MGMT: variants seen among roughly 807,000 people sequenced by gnomAD.
The protein encoded by MGMT is O-6-methylguanine-DNA methyltransferase, also known as methylated-DNA--protein-cysteine methyltransferase.
Under a neutral mutation model 15.9 loss-of-function variants are expected in MGMT, and 14 were observed. That is an observed-to-expected ratio of 0.88 (90% CI 0.58 to 1.37). The LOEUF is 1.37. Among genes scored for constraint, MGMT ranks in the 40% most tolerant of loss-of-function variants. The pLI is 0.00. For synonymous variants in MGMT, 130 were observed against 118.2 expected (o/e 1.10, Z -0.65); for missense variants, 282 against 268.1 (o/e 1.05, Z -0.36).
At chr10:129,498,261 G>A (rs1015863862) in intron 1 of MGMT, among the ~76,000 whole-genome samples, 1 of 152,208 alleles carries the variant, frequency 6.6e-6, no homozygotes, top group African/African-American at 2.4e-5. Context: ...TGAATCTCTT[G>A]TGCATTTCCT....
intron 2 of MGMT, among the ~76,000 whole-genome samples, chr10:129,599,465 C>G (rs191033390): frequency 1.6e-4 from 24 of 152,358 alleles, no homozygotes; most frequent in African/African-American, 5.5e-4. Context: ...TTCCTCTCAT[C>G]TTGCTGCTTC....
At chr10:129,738,421 G>A (rs1028703163) in intron 3 of MGMT, among the ~76,000 whole-genome samples, 13 of 152,200 alleles carry the variant, frequency 8.5e-5, no homozygotes, top group South Asian at 2.1e-4. Context: ...GCTCGCGCAC[G>A]GTGCACGCAC....
At position 129,769,943 on chromosome 10, in the gene MGMT, G is replaced by A. The variant is rs1006289233; in HGVS notation, c.*2946G>A. On this transcript the variant is annotated 3_prime_UTR_variant, in exon 5 of 5. Coordinates refer to ENST00000651593, the MANE Select transcript of MGMT (RefSeq NM_002412.5). ...TCCAGATGTGAAGGTTGCAGGCACC[G>A]GGCGTTGCAGAGGAAGTGGGCAAGC... Among the ~76,000 whole-genome samples, 4 of 152,172 alleles carry A rather than the reference G, an allele frequency of 2.6e-5. No individual in the cohort carries two copies. The highest frequency in any genetic ancestry group is 6.5e-5 in the Admixed American group (1 of 15,272).
At chr10:129,564,929 C>T (rs896857443) in intron 2 of MGMT, among the ~76,000 whole-genome samples, 2 of 152,098 alleles carry the variant, frequency 1.3e-5, no homozygotes, top group Non-Finnish European at 2.9e-5. Context: ...CTTCCTCCAG[C>T]ATGGTGCTGG....
rs541476149 is a variant in MGMT at position 129,645,728 on chromosome 10, G to A, written c.126-62167G>A. Among the ~76,000 whole-genome samples, 1,039 of 152,304 alleles carry A rather than the reference G, an allele frequency of 6.8e-3. 9 individuals are homozygous for A. The highest frequency in any genetic ancestry group is 0.023 in the African/African-American group (950 of 41,578). The stretch of plus-strand genomic sequence containing the variant: ...TCCCCCTGCCACTTCTTGTGGACAC[G>A]TTCTTTCTCCTTAGAGCATCTGTTC... On this transcript the variant is annotated intron_variant, in intron 2 of 4. Transcript: ENST00000651593.
chr10:129,683,760 G>A (rs1847877847), intron 2 of MGMT, among the ~76,000 whole-genome samples: 1 of 152,174 alleles, frequency 6.6e-6, no homozygotes, highest in Non-Finnish European at 1.5e-5. Flanking sequence ...AACCCCACTT[G>A]AATGGTAATA....
At chr10:129,517,272 C>T (rs947386879) in intron 1 of MGMT, among the ~76,000 whole-genome samples, 4 of 152,136 alleles carry the variant, frequency 2.6e-5, no homozygotes, top group African/African-American at 9.7e-5. Context: ...GGCACGGGCC[C>T]CCTTAGCTCA....
chr10:129,606,647 A>G (rs1238767859), intron 2 of MGMT, among the ~76,000 whole-genome samples: 2 of 152,250 alleles, frequency 1.3e-5, no homozygotes, highest in Non-Finnish European at 2.9e-5. Context: ...TGCTCAGATC[A>G]ATATTGTGGA....
chr10:129,467,858 G>A lies in MGMT; in HGVS notation c.-13+562G>A, dbSNP rs374917301. Among the ~76,000 whole-genome samples the A allele has an allele frequency of 2.6e-4, 39 of 152,292 alleles. No individual in the cohort carries two copies. The South Asian group carries it at 7.7e-3, about 30-fold the overall frequency. On this transcript the variant is annotated intron_variant, in intron 1 of 4. Transcript: ENST00000651593. The stretch of plus-strand genomic sequence containing the variant: ...TGGAGAGCCACACACACTGGGCACC[G>A]TAATGTCGGTTATAACACCGCAGAG...
At chr10:129,685,042 TAA>T (rs1847890366) in intron 2 of MGMT, among the ~76,000 whole-genome samples, 1 of 152,236 alleles carries the variant, frequency 6.6e-6, no homozygotes, top group Non-Finnish European at 1.5e-5. Context: ...CCTGTCCTGG[TAA>T]ACCTGTGACA....
intron 3 of MGMT, among the ~76,000 whole-genome samples, chr10:129,748,085 C>T (rs542473005): frequency 7.2e-5 from 11 of 152,284 alleles, no homozygotes; most frequent in East Asian, 1.9e-4. Context: ...ATCTCCCCTG[C>T]GTACTGCACT....
chr10:129,561,544 G>A (rs1217195504), intron 2 of MGMT, among the ~76,000 whole-genome samples: 1 of 152,168 alleles, frequency 6.6e-6, no homozygotes, highest in Non-Finnish European at 1.5e-5. Flanking sequence ...CCATTCTAAC[G>A]ATTTTGTCAA....
intron 1 of MGMT, among the ~76,000 whole-genome samples, chr10:129,506,841 A>G (rs1376090594): frequency 2.0e-5 from 3 of 152,120 alleles, no homozygotes; most frequent in East Asian, 1.9e-4. Flanking sequence ...TCCTCCTCCT[A>G]TGAAACTTTT....
intron 2 of MGMT, among the ~76,000 whole-genome samples, chr10:129,593,799 G>A (rs2133055935): frequency 6.6e-6 from 1 of 152,348 alleles, no homozygotes; most frequent in East Asian, 1.9e-4. Context: ...TTACAAGGTA[G>A]TGGGGAGGCC....
chr10:129,766,346 G>A (rs1050287931), intron 4 of MGMT, among the ~76,000 whole-genome samples: 20 of 152,342 alleles, frequency 1.3e-4, no homozygotes, highest in African/African-American at 4.8e-4. Flanking sequence ...GGAGAGGCCC[G>A]TGCAGGTACG....
At chr10:129,657,705 A>G (rs942476923) in intron 2 of MGMT, among the ~76,000 whole-genome samples, 31 of 137,786 alleles carry the variant, frequency 2.2e-4, no homozygotes, top group Admixed American at 2.8e-4. Flanking sequence ...ACACACACAC[A>G]CGCACACACA....
At chr10:129,554,452 G>T (rs1223687754) in intron 2 of MGMT, among the ~76,000 whole-genome samples, 1 of 152,006 alleles carries the variant, frequency 6.6e-6, no homozygotes, top group East Asian at 1.9e-4. Flanking sequence ...TCTGTGCTTG[G>T]TTCTTTGTTA....
chr10:129,742,138 C>A (rs1158340182), intron 3 of MGMT, among the ~76,000 whole-genome samples: 1 of 152,234 alleles, frequency 6.6e-6, no homozygotes, highest in Non-Finnish European at 1.5e-5. Flanking sequence ...TTGGCTCGAG[C>A]GCTGAGCTGC....
intron 3 of MGMT, among the ~76,000 whole-genome samples, chr10:129,756,492 C>T (rs747693181): frequency 7.3e-5 from 11 of 151,662 alleles, no homozygotes; most frequent in Non-Finnish European, 1.5e-4. Flanking sequence ...TTTTTTGAGA[C>T]GGAGTCTCGC....
Sources: gnomAD v4.1 joint callset for allele counts (sites outside exome capture counted in the v4.1 genomes callset) on GRCh38, gnomAD v4.1.1 for gene constraint, MANE v1.5 for transcripts, NCBI Gene and HGNC (gene_info 2026-07-23, HGNC 2026-07-21) for gene names.